The following PRDM10 variants were observed in gnomAD, a reference collection of about 807,000 sequenced individuals.
PRDM10 encodes the protein PR/SET domain 10.
In PRDM10, 65 loss-of-function variants were observed where a neutral mutation model predicts 133.1. The observed-to-expected ratio is 0.49, with a 90% CI of 0.40 to 0.60. The LOEUF is 0.60. Ranked by LOEUF, PRDM10 falls within the 20% of genes least tolerant of loss-of-function variation. PRDM10 has a pLI of 0.00. For missense variants in PRDM10, 1,137 were observed against 1,507.1 expected, an observed-to-expected ratio of 0.75 and a Z score of 4.07; for synonymous variants, 582 against 580.4, an observed-to-expected ratio of 1.00 and a Z score of -0.04.
At position 129,942,567 on chromosome 11, in the gene PRDM10, C is replaced by G. The variant is rs778292819; in HGVS notation, c.825G>C (p.Leu275Phe). Residue 275 changes from leucine to phenylalanine, a missense_variant, in exon 7 of 21, where the codon TTG becomes TTC. Coordinates refer to ENST00000360871, the MANE Select transcript of PRDM10 (RefSeq NM_199437.2). ...TCCAGTTACAAAGCGTCTCATCAGA[C>G]AACTCAAACCATAGGTCTTCATGTA... The part of the protein sequence containing the change: ...RDLHEDLWFE[L>F]SDETLCNWMM... 1.2e-6 allele frequency: 2 copies of G among 1,609,904 alleles called. No individual in the cohort carries two copies. Among genetic ancestry groups the G allele is most frequent in the South Asian group, 2.2e-5 (2 of 90,920 alleles).
chr11:129,930,986 T>C lies in PRDM10; in HGVS notation c.1530+30A>G, dbSNP rs201423212. On this transcript the variant is annotated intron_variant, in intron 11 of 20. Coordinates refer to ENST00000360871, the MANE Select transcript of PRDM10 (RefSeq NM_199437.2). ...TGGTGGGAGGAAGATGAGCGGCTGG[T>C]GCCAGGAGCCGCCGGCTTTCCCCAC... 5.3e-5 allele frequency: 84 copies of C among 1,570,630 alleles called. No homozygotes were observed. The African/African-American group carries it at 1.1e-3, about 21-fold the overall frequency.
chr11:129,917,774 C>G (rs942856678), intron 14 of PRDM10, among the ~76,000 whole-genome samples: 1 of 152,238 alleles, frequency 6.6e-6, no homozygotes, highest in East Asian at 1.9e-4. Flanking sequence ...TGCACATACC[C>G]TGCTTTGACG....
chr11:129,996,796 CCATTTA>C (rs1939089297), intron 1 of PRDM10, among the ~76,000 whole-genome samples: 5 of 152,056 alleles, frequency 3.3e-5, no homozygotes, highest in African/African-American at 1.2e-4. Context: ...AAGTTTTGAA[CCATTTA>C]GAACTGTGTG....
chr11:129,937,462 T>G, intron 8 of PRDM10, 136 bp downstream of exon 8: 1 of 607,878 alleles, frequency 1.6e-6, no homozygotes. Context: ...TAGATGGAGA[T>G]GTGTGTCTCT....
intron 1 of PRDM10, among the ~76,000 whole-genome samples, chr11:129,999,443 C>T (rs981843997): frequency 2.6e-5 from 4 of 152,112 alleles, no homozygotes; most frequent in Non-Finnish European, 2.9e-5. Context: ...ATAAATTCTG[C>T]TTGTGAAAAA....
rs572787698 is a variant in PRDM10 at position 129,932,151 on chromosome 11, C to A, written c.1238G>T (p.Arg413Leu). Reference protein sequence around the residue: ...RRPGRPPKFIRLEITSENGEK... With the variant: ...RRPGRPPKFILLEITSENGEK... ...CCCATTTTCGCTGGTGATTTCCAGG[C>A]GGATAAATTTTGGAGGACGCCCCGG... Residue 413 changes from arginine to leucine, a missense_variant, in exon 10 of 21, where the codon CGC (arginine) becomes CTC (leucine). Physicochemically the swap from Arg to Leu is moderately radical, Grantham distance 102. Coordinates refer to ENST00000360871, the MANE Select transcript of PRDM10 (RefSeq NM_199437.2). 2.7e-5 allele frequency: 44 copies of A among 1,614,052 alleles called. No homozygotes were observed. The highest frequency in any genetic ancestry group is 6.6e-5 in the South Asian group (6 of 91,078).
At chr11:130,000,084 C>CTTTTTTTTTTTTTT in intron 1 of PRDM10, among the ~76,000 whole-genome samples, 1 of 143,798 alleles carries the variant, frequency 7.0e-6, no homozygotes. Context: ...GCTCTTGTTG[C>CTTTTTTTTTTTTTT]CCAGGCTGGA....
chr11:129,947,168 C>T lies in PRDM10; in HGVS notation c.497G>A (p.Arg166Gln), dbSNP rs150523054. 160 of 1,613,814 alleles carry T rather than the reference C, an allele frequency of 9.9e-5. No homozygotes were observed. Among genetic ancestry groups the T allele is most frequent in the Non-Finnish European group, 1.3e-4 (155 of 1,179,960 alleles). ...DLDDWEPDPP[R>Q]PFDPHDLWCE... is the part of the protein sequence containing the mutation. ...ACACAAGTCGTGTGGGTCGAAGGGCCGGGGCGGGTCTGGCTCCCAGTCATC... is the reference window on the plus strand; with the variant it reads ...ACACAAGTCGTGTGGGTCGAAGGGCTGGGGCGGGTCTGGCTCCCAGTCATC... The change falls in exon 5 of 21, where the codon CGG becomes CAG. Residue 166 changes from arginine (R) to glutamine (Q), a missense_variant. Coordinates refer to ENST00000360871, the MANE Select transcript of PRDM10 (RefSeq NM_199437.2). This position sits in a 1 kb window ranked among gnomAD's most constrained non-coding sequence, Gnocchi z 4.6.
At chr11:129,995,596 C>G (rs1939012748) in intron 1 of PRDM10, among the ~76,000 whole-genome samples, 1 of 151,846 alleles carries the variant, frequency 6.6e-6, no homozygotes, top group Non-Finnish European at 1.5e-5. Context: ...AATCTTCAAG[C>G]AATTCTAAGA....
intron 1 of PRDM10, among the ~76,000 whole-genome samples, chr11:129,996,798 A>G (rs1178275816): frequency 8.6e-6 from 1 of 115,662 alleles, no homozygotes; most frequent in Non-Finnish European, 1.7e-5. Context: ...GTTTTGAACC[A>G]TTTAGAACTG....
rs1164870464 is a variant in PRDM10 at position 129,918,318 on chromosome 11, C to G, written c.2214+221G>C. ...AAAAAAAAGAAAAAGAAAAAGACCT[C>G]TTACAAGAATTGATCCAAAAAGCAG... On this transcript the variant is annotated intron_variant, in intron 14 of 20. Coordinates refer to ENST00000360871, the MANE Select transcript of PRDM10 (RefSeq NM_199437.2). This position sits in a 1 kb window ranked among gnomAD's most constrained non-coding sequence, Gnocchi z 5.3. Among the ~76,000 whole-genome samples, 1 of 151,720 alleles carries G rather than the reference C, an allele frequency of 6.6e-6. No individual in the cohort carries two copies. The highest frequency in any genetic ancestry group is 2.4e-5 in the African/African-American group (1 of 41,282).
chr11:129,910,482 C>T lies in PRDM10; in HGVS notation c.3157G>A (p.Gly1053Ser). 1 of 1,614,012 alleles carries T rather than the reference C, an allele frequency of 6.2e-7. No homozygotes were observed. The highest frequency in any genetic ancestry group is 8.5e-7 in the Non-Finnish European group (1 of 1,180,018). ...YLPSAWNSFRGYSSEIQMMTL... is the reference protein window; with the variant it reads ...YLPSAWNSFRSYSSEIQMMTL... ...ATCGTCCCTTCTTACTTACAATAGC[C>T]ACGGAAGGAATTCCAAGCACTGGGC... Residue 1053 changes from glycine (G) to serine (S), a missense_variant, in exon 19 of 21, where the codon GGC becomes AGC. Gly to Ser is a moderately conservative substitution (Grantham distance 56). Around this residue, in one of 6 missense-constraint regions of PRDM10, gnomAD observed 243 missense variants for 259.2 expected, o/e 0.94. Coordinates refer to ENST00000360871, the MANE Select transcript of PRDM10 (RefSeq NM_199437.2).
intron 1 of PRDM10, among the ~76,000 whole-genome samples, chr11:129,995,582 T>G (rs1178844403): frequency 1.3e-5 from 2 of 151,806 alleles, no homozygotes; most frequent in African/African-American, 4.8e-5. Flanking sequence ...TAAATTGGCC[T>G]CAAAATCTTC....
At chr11:129,986,553 A>AT (rs1254712927) in intron 1 of PRDM10, among the ~76,000 whole-genome samples, 3 of 151,932 alleles carry the variant, frequency 2.0e-5, no homozygotes, top group Non-Finnish European at 4.4e-5. Flanking sequence ...TGGCCGGCTA[A>AT]TTTTTTTGTA....
chr11:129,944,772 T>C lies in PRDM10; in HGVS notation c.761A>G (p.Lys254Arg). ...SELKDCYIHL[K>R]VSLDKGDRKE... ...GAAGTGTGATAGAGCATAAATTACC[T>C]TGAGGTGAATGTAACAGTCTTTCAG... The change falls in exon 6 of 21, where the codon AAG becomes AGG. Residue 254 changes from lysine (K) to arginine (R), a missense_variant and splice_region_variant. This residue lies in a region of PRDM10 where 635 missense variants were observed against 835.2 expected (regional missense o/e 0.76). Coordinates refer to ENST00000360871, the MANE Select transcript of PRDM10 (RefSeq NM_199437.2). The C allele has an allele frequency of 6.2e-7, 1 of 1,613,770 alleles. No homozygotes were observed. Among genetic ancestry groups the C allele is most frequent in the Admixed American group, 1.7e-5 (1 of 59,906 alleles).
At chr11:129,984,193 C>A (rs760276970) in intron 1 of PRDM10, among the ~76,000 whole-genome samples, 50 of 152,232 alleles carry the variant, frequency 3.3e-4, no homozygotes, top group Non-Finnish European at 6.6e-4. Flanking sequence ...CCTGTCCTCA[C>A]CGCACTCGCT....
intron 10 of PRDM10, 95 bp from the exon 11 acceptor site, chr11:129,931,353 T>C: frequency 4.2e-6 from 6 of 1,442,812 alleles, no homozygotes; most frequent in Non-Finnish European, 5.6e-6. Flanking sequence ...ACTAGATTCA[T>C]AATACTCAGA....
Position 129,918,760 on chromosome 11 carries a change from T to A in PRDM10, c.2035-42A>T. The A allele has an allele frequency of 6.6e-7, 1 of 1,525,244 alleles. No individual in the cohort carries two copies. The highest frequency in any genetic ancestry group is 8.9e-7 in the Non-Finnish European group (1 of 1,121,638). The allele number at this position is 1,525,244 out of a possible 1,614,324, so 94.5% of individuals were successfully genotyped here. On this transcript the variant is annotated intron_variant, in intron 13 of 20. Transcript: ENST00000360871. The surrounding 1 kb of genome is among the most constrained non-coding windows in gnomAD (Gnocchi z 5.3). ...TTTGAAAACGGGGTAGACACGGGGG[T>A]AGAAAATTTTTAACTGAAGGGATCA...
intron 12 of PRDM10, among the ~76,000 whole-genome samples, chr11:129,924,014 A>T (rs1227079415): frequency 6.6e-6 from 1 of 152,240 alleles, no homozygotes; most frequent in Non-Finnish European, 1.5e-5. Flanking sequence ...CTTTTAGATA[A>T]ATAAAGGAAT....
Sources: gnomAD v4.1 joint callset for allele counts (sites outside exome capture counted in the v4.1 genomes callset) on GRCh38, gnomAD v4.1.1 for gene constraint, gnomAD v4.1.1 regional missense constraint, Gnocchi (gnomAD v3.1) non-coding constraint, MANE v1.5 for transcripts, NCBI Gene and HGNC (gene_info 2026-07-23, HGNC 2026-07-21) for gene names.